Variants in CAPN1 observed in about 807,000 individuals in gnomAD.
The protein encoded by CAPN1 is calpain-1 catalytic subunit.
Under a neutral mutation model 105.2 loss-of-function variants are expected in CAPN1, and 77 were observed. The ratio of observed to expected loss-of-function variants is 0.73; its 90% CI spans 0.61 to 0.88. CAPN1 has a LOEUF of 0.88. Ranked by LOEUF, CAPN1 falls within the 40% of genes least tolerant of loss-of-function variation. CAPN1 has a pLI of 0.00. For missense variants in CAPN1, 833 were observed against 976.6 expected (o/e 0.85, Z 1.96); for synonymous variants, 355 against 388.8 (o/e 0.91, Z 1.02).
chr11:65,192,324 G>A (rs1355081613), intron 10 of CAPN1, among the ~76,000 whole-genome samples: 1 of 152,222 alleles, frequency 6.6e-6, no homozygotes, highest in Non-Finnish European at 1.5e-5. Flanking sequence ...GGTCACGAGT[G>A]ACGTTTGCCT....
chr11:65,198,375 A>C (rs1449253676), intron 10 of CAPN1, among the ~76,000 whole-genome samples: 1 of 151,980 alleles, frequency 6.6e-6, no homozygotes, highest in African/African-American at 2.4e-5. Context: ...TCAAACTCCT[A>C]GCTCAAGCCA....
rs1948668092 is a variant in CAPN1, at chr11:65,188,353, C to T, written c.930-61C>T. 1.4e-6 allele frequency: 2 copies of T among 1,475,404 alleles called. No homozygotes were observed. The highest frequency in any genetic ancestry group is 1.9e-6 in the Non-Finnish European group (2 of 1,074,262). The allele number at this position is 1,475,404 out of a possible 1,614,324, so 91.4% of individuals were successfully genotyped here. A position where few individuals can be genotyped will look rare whatever the true frequency, so the allele number is the denominator to read the frequency against. On this transcript the variant is annotated intron_variant, in intron 8 of 21. Coordinates refer to ENST00000279247, the MANE Select transcript of CAPN1 (RefSeq NM_005186.4). This position sits in a 1 kb window ranked among gnomAD's most constrained non-coding sequence, Gnocchi z 5.5. ...AAGACAGGCCAGGGTAGACAGGCCC[C>T]AGGGACAGAGGCCAGGCAGGTCAGT... is the stretch of plus-strand genomic sequence containing the variant.
chr11:65,210,532 G>A lies in CAPN1; in HGVS notation c.2059+80G>A, dbSNP rs1949032586. ...AGGAGCTGGGGGGAATGACAGATGGGTGAATTAGCAGATACAGGCCAGTGC... is the reference window on the plus strand; with the variant it reads ...AGGAGCTGGGGGGAATGACAGATGGATGAATTAGCAGATACAGGCCAGTGC... On this transcript the variant is annotated intron_variant, in intron 20 of 21. Transcript: ENST00000279247. This position sits in a 1 kb window ranked among gnomAD's most constrained non-coding sequence, Gnocchi z 4.3. 1 of 888,900 alleles carries A rather than the reference G, an allele frequency of 1.1e-6. No individual in the cohort carries two copies. Among genetic ancestry groups the A allele is most frequent in the Admixed American group, 2.0e-5 (1 of 50,526 alleles). 55.1% of individuals were successfully genotyped at this position (888,900 alleles called of 1,614,324 possible).
intron 11 of CAPN1, 34 bp downstream of exon 11, chr11:65,204,892 A>AGCAG: frequency 6.4e-7 from 1 of 1,573,494 alleles, no homozygotes; most frequent in South Asian, 1.1e-5. Flanking sequence ...GATCTCACTG[A>AGCAG]GCAGGCAGAG....
At chr11:65,196,686 T>C (rs1948796847) in intron 10 of CAPN1, among the ~76,000 whole-genome samples, 1 of 152,214 alleles carries the variant, frequency 6.6e-6, no homozygotes. Context: ...GGCCATGCTA[T>C]GTAATTTCTC....
intron 10 of CAPN1, among the ~76,000 whole-genome samples, chr11:65,189,859 C>G (rs1288168498): frequency 6.6e-6 from 1 of 152,202 alleles, no homozygotes; most frequent in Non-Finnish European, 1.5e-5. Context: ...CCACTCTCAC[C>G]TCGATATCTC....
At chr11:65,187,849 A>T in intron 7 of CAPN1, 106 bp from the exon 8 acceptor site, 1 of 745,738 alleles carries the variant, frequency 1.3e-6, no homozygotes, top group Non-Finnish European at 2.3e-6. Context: ...CTGAGATCGC[A>T]CCACTGCACT....
In CAPN1 at chr11:65,208,008, G is replaced by A; in HGVS notation, c.1606-47G>A. On this transcript the variant is annotated intron_variant, in intron 14 of 21. Coordinates refer to ENST00000279247, the MANE Select transcript of CAPN1 (RefSeq NM_005186.4). The surrounding 1 kb of genome is among the most constrained non-coding windows in gnomAD (Gnocchi z 4.1). ...CCTCCCTCCAGCTGCCTCCACACGGGCAGGGCCGGGGCCTCTCTTACCTGC... is the reference window on the plus strand; with the variant it reads ...CCTCCCTCCAGCTGCCTCCACACGGACAGGGCCGGGGCCTCTCTTACCTGC... 4.0e-6 allele frequency: 6 copies of A among 1,487,950 alleles called. No individual in the cohort carries two copies. The highest frequency in any genetic ancestry group is 5.5e-6 in the Non-Finnish European group (6 of 1,090,794). 92.2% of individuals were successfully genotyped at this position (1,487,950 alleles called of 1,614,324 possible).
rs540577957 is a variant in CAPN1, at chr11:65,206,531, A to G, written c.1422A>G (p.Ser474=). 5 of 1,613,468 alleles carry G rather than the reference A, an allele frequency of 3.1e-6. No homozygotes were observed. In the East Asian group the frequency reaches 1.1e-4, roughly 36 times the overall value. The change falls in exon 13 of 22, where the codon TCA becomes TCG. Residue 474 remains serine (S), a synonymous_variant. Transcript: ENST00000279247. ...FFLANASRAR[S]EQFINLREVS... ...TGGCCAATGCGTCTCGGGCGCGCTC[A>G]GAGCAGTTCATCAACCTGCGAGAGG...
intron 10 of CAPN1, among the ~76,000 whole-genome samples, chr11:65,191,217 T>A (rs1948714477): frequency 6.6e-6 from 1 of 152,220 alleles, no homozygotes; most frequent in South Asian, 2.1e-4. Flanking sequence ...TAGAATGTTG[T>A]ATTTTTTATC....
chr11:65,192,485 T>C (rs1948731667), intron 10 of CAPN1, among the ~76,000 whole-genome samples: 1 of 152,206 alleles, frequency 6.6e-6, no homozygotes, highest in African/African-American at 2.4e-5. Context: ...GTAGAACTTG[T>C]CTGTAAAGCT....
chr11:65,200,585 C>T (rs567148812), intron 10 of CAPN1, among the ~76,000 whole-genome samples: 28 of 152,228 alleles, frequency 1.8e-4, no homozygotes, highest in African/African-American at 6.7e-4. Flanking sequence ...CCTCGTGATC[C>T]ACCCACCTTG....
At position 65,210,165 on chromosome 11, in the gene CAPN1, GCCCTT is replaced by G; in HGVS notation, c.1942+70_1942+74del. The G allele has an allele frequency of 7.2e-7, 1 of 1,383,136 alleles. No individual in the cohort carries two copies. The highest frequency in any genetic ancestry group is 1.0e-6 in the Non-Finnish European group (1 of 972,636). The allele number at this position is 1,383,136 out of a possible 1,614,324, so 85.7% of individuals were successfully genotyped here. A position where few individuals can be genotyped will look rare whatever the true frequency, so the allele number is the denominator to read the frequency against. On this transcript the variant is annotated intron_variant, in intron 19 of 21. Transcript: ENST00000279247. The surrounding 1 kb of genome is among the most constrained non-coding windows in gnomAD (Gnocchi z 4.3). ...TAGCCCCACTGCTCCTATGCCCCAGGCCCTTGTCCCTGGGGTGCTAGTGGTGACAT... is the reference window on the plus strand; with the variant it reads ...TAGCCCCACTGCTCCTATGCCCCAGGGTCCCTGGGGTGCTAGTGGTGACAT...
In CAPN1 at chr11:65,209,216, C is replaced by T; in HGVS notation, c.1730-107C>T. ...CTTCCTCTGCCAGATATTGCACCCA[C>T]TCGTCAGGATTTGTGCGTCCTTGAC... On this transcript the variant is annotated intron_variant, in intron 16 of 21. Transcript: ENST00000279247. This position sits in a 1 kb window ranked among gnomAD's most constrained non-coding sequence, Gnocchi z 4.1. 3.8e-6 allele frequency: 3 copies of T among 790,624 alleles called. No homozygotes were observed. Among genetic ancestry groups the T allele is most frequent in the Non-Finnish European group, 6.6e-6 (3 of 455,450 alleles). 49.0% of individuals were successfully genotyped at this position (790,624 alleles called of 1,614,324 possible).
intron 10 of CAPN1, among the ~76,000 whole-genome samples, chr11:65,201,043 C>T (rs531848963): frequency 1.4e-5 from 2 of 140,406 alleles, no homozygotes; most frequent in African/African-American, 2.6e-5. Context: ...CTCCCGGGTT[C>T]GTGCCATTCT....
intron 4 of CAPN1, among the ~76,000 whole-genome samples, chr11:65,185,588 G>A (rs999960764): frequency 1.1e-4 from 16 of 151,294 alleles, no homozygotes; most frequent in Admixed American, 7.9e-4. Context: ...AAAATATGTT[G>A]AAGAAGTATA....
At chr11:65,190,688 T>A (rs78044239) in intron 10 of CAPN1, among the ~76,000 whole-genome samples, 1 of 151,362 alleles carries the variant, frequency 6.6e-6, no homozygotes, top group Non-Finnish European at 1.5e-5. Flanking sequence ...CTCTTAGCTG[T>A]TTTTTTTGTT....
In CAPN1 at chr11:65,200,932, C is replaced by CTTTT. The variant is rs56897147; in HGVS notation, c.1166-3724_1166-3721dup. On this transcript the variant is annotated intron_variant, in intron 10 of 21. Coordinates refer to ENST00000279247, the MANE Select transcript of CAPN1 (RefSeq NM_005186.4). ...TACAGATCCATGCCACCATGCCTGG[C>CTTTT]TTTTTTTTTTTTTTTTTTTTTTTTT... 4.0e-3 allele frequency among the ~76,000 whole-genome samples: 199 copies of CTTTT among 49,448 alleles called. 51 individuals are homozygous for CTTTT. Among genetic ancestry groups the CTTTT allele is most frequent in the African/African-American group, 0.011 (155 of 13,812 alleles). 32.4% of individuals were successfully genotyped at this position (49,448 alleles called of 152,430 possible).
rs1396336675 is a variant in CAPN1 at position 65,207,684 on chromosome 11, G to A, written c.1606-371G>A. ...TCCTAGCACTTTGGGAGGTTGAGGC[G>A]GGCGGATAACCTGAGGTCGGGAGTT... On this transcript the variant is annotated intron_variant, in intron 14 of 21. Coordinates refer to ENST00000279247, the MANE Select transcript of CAPN1 (RefSeq NM_005186.4). 2.0e-5 allele frequency among the ~76,000 whole-genome samples: 3 copies of A among 151,762 alleles called. No individual in the cohort carries two copies. In the Middle Eastern group the frequency reaches 0.01, roughly 520 times the overall value.
Sources: allele counts gnomAD v4.1 joint callset (sites outside exome capture counted in the v4.1 genomes callset), GRCh38; gene constraint gnomAD v4.1.1; non-coding constraint Gnocchi (gnomAD v3.1); transcripts MANE v1.5; gene names NCBI Gene and HGNC (gene_info 2026-07-23, HGNC 2026-07-21).